The following SPTAN1 variants were observed in gnomAD, a reference collection of about 807,000 sequenced individuals.
SPTAN1 encodes spectrin alpha chain, non-erythrocytic 1.
Under a neutral mutation model 331.3 loss-of-function variants are expected in SPTAN1, and 61 were observed. The observed-to-expected ratio is 0.18, with a 90% CI of 0.15 to 0.23. The LOEUF (loss-of-function observed/expected upper bound fraction) is 0.23, where lower values mean the gene tolerates loss of function less well. Ranked by LOEUF, SPTAN1 falls within the 10% of genes least tolerant of loss-of-function variation. The pLI is 1.00. For synonymous variants in SPTAN1, 1,153 were observed against 1,173.9 expected (o/e 0.98, Z 0.36); for missense variants, 2,043 against 3,147.9 (o/e 0.65, Z 8.40).
At chr9:128,619,901 C>T (rs967876218) in intron 44 of SPTAN1, among the ~76,000 whole-genome samples, 7 of 152,228 alleles carry the variant, frequency 4.6e-5, no homozygotes, top group Non-Finnish European at 7.3e-5. Context: ...AGGTCCTTCA[C>T]GCTCCTGCAT....
At chr9:128,576,336 A>G (rs907552142) in intron 5 of SPTAN1, among the ~76,000 whole-genome samples, 2 of 152,086 alleles carry the variant, frequency 1.3e-5, no homozygotes, top group South Asian at 4.1e-4. Flanking sequence ...ATCACTTGAG[A>G]CCAGCCTGGG....
chr9:128,590,066 TTGAC>T (rs1414282095), intron 21 of SPTAN1, among the ~76,000 whole-genome samples: 1 of 152,192 alleles, frequency 6.6e-6, no homozygotes, highest in Non-Finnish European at 1.5e-5. Flanking sequence ...CATGCACAGA[TTGAC>T]TGATCCTGAA....
chr9:128,586,432 C>G (rs548564853), intron 19 of SPTAN1, among the ~76,000 whole-genome samples: 111 of 152,098 alleles, frequency 7.3e-4, no homozygotes, highest in African/African-American at 2.7e-3. Context: ...CCCTTCTGGC[C>G]CATTTTTCAC....
Position 128,584,324 on chromosome 9 carries a change from G to A in SPTAN1, c.2236G>A (p.Asp746Asn), listed in dbSNP as rs1295634785. Residue 746 changes from aspartate (D) to asparagine (N), a missense_variant, in exon 17 of 57, where the codon GAT becomes AAT. Physicochemically the swap from Asp to Asn is conservative, Grantham distance 23. This residue lies in a region of SPTAN1 where 1,038 missense variants were observed against 1,531.5 expected (regional missense o/e 0.68). Transcript: ENST00000372739. Reference sequence around the variant, plus strand: ...CACCATTCAGGCCCGCCAGTTCCAAGATGCTGGCCATTTTGATGCAGAAAA... The same window carrying A: ...CACCATTCAGGCCCGCCAGTTCCAAAATGCTGGCCATTTTGATGCAGAAAA... ...GITIQARQFQDAGHFDAENIK... is the reference protein window; with the variant it reads ...GITIQARQFQNAGHFDAENIK... 2.5e-6 allele frequency: 4 copies of A among 1,614,210 alleles called. No homozygotes were observed. The highest frequency in any genetic ancestry group is 3.4e-6 in the Non-Finnish European group (4 of 1,180,040).
At chr9:128,612,990 C>A (rs1451115819) in intron 39 of SPTAN1, among the ~76,000 whole-genome samples, 1 of 151,886 alleles carries the variant, frequency 6.6e-6, no homozygotes, top group Non-Finnish European at 1.5e-5. Context: ...CATAATGTAA[C>A]CATTCCCATA....
rs373857333 is a variant in SPTAN1 at position 128,608,222 on chromosome 9, C to T, written c.4437C>T (p.Ser1479=). ...AAGACAAAGGAGACTCACTGGACAG[C>T]GTAGAGGCTCTGATCAAAAAACATG... ...NTEDKGDSLD[S]VEALIKKHED... is the part of the protein sequence containing the mutation. The change falls in exon 34 of 57, where the codon AGC becomes AGT. Residue 1479 remains serine (S), a synonymous_variant. Transcript: ENST00000372739. 17 of 1,613,992 alleles carry T rather than the reference C, an allele frequency of 1.1e-5. No homozygotes were observed. Among genetic ancestry groups the T allele is most frequent in the Middle Eastern group, 1.6e-4 (1 of 6,084 alleles).
rs769356785 is a variant in SPTAN1 at position 128,619,015 on chromosome 9, A to G, written c.5733+12A>G. On this transcript the variant is annotated intron_variant, in intron 44 of 56. Coordinates refer to ENST00000372739, the MANE Select transcript of SPTAN1 (RefSeq NM_001130438.3). Reference sequence around the variant, plus strand: ...TTGCCGCCATCCAGGTGAGACAGAAACCAAAGGTGTCACCTGCTTTCTCTC... The same window carrying G: ...TTGCCGCCATCCAGGTGAGACAGAAGCCAAAGGTGTCACCTGCTTTCTCTC... 14 of 1,613,388 alleles carry G rather than the reference A, an allele frequency of 8.7e-6. No homozygotes were observed. The highest frequency in any genetic ancestry group is 1.2e-5 in the Non-Finnish European group (14 of 1,179,848).
intron 27 of SPTAN1, among the ~76,000 whole-genome samples, chr9:128,602,691 A>G (rs576442406): frequency 6.6e-6 from 1 of 151,822 alleles, no homozygotes; most frequent in Non-Finnish European, 1.5e-5. Context: ...GCTGGAGTGC[A>G]GTGGCGCAAT....
intron 42 of SPTAN1, 104 bp from the exon 43 acceptor site, chr9:128,617,883 C>G: frequency 1.2e-6 from 2 of 1,612,498 alleles, no homozygotes; most frequent in East Asian, 2.2e-5. Context: ...CAGTCCAAAC[C>G]TGGAGAAGTC....
intron 1 of SPTAN1, among the ~76,000 whole-genome samples, chr9:128,562,025 T>C (rs192243990): frequency 7.8e-4 from 118 of 152,238 alleles, no homozygotes; most frequent in African/African-American, 2.7e-3. Flanking sequence ...AGATGAATGA[T>C]AGAGGTGGGT....
intron 22 of SPTAN1, 37 bp from the exon 23 acceptor site, chr9:128,592,946 A>G (rs1190421308): frequency 1.3e-6 from 2 of 1,583,230 alleles, no homozygotes; most frequent in South Asian, 1.1e-5. Context: ...TAACCCCACT[A>G]ATTCGTGCAT....
At position 128,629,055 on chromosome 9, in the gene SPTAN1, G is replaced by T. The variant is rs1255696245; in HGVS notation, c.6707+1113G>T. On this transcript the variant is annotated intron_variant, in intron 51 of 56. Transcript: ENST00000372739. The surrounding 1 kb of genome is among the most constrained non-coding windows in gnomAD (Gnocchi z 4.9). The stretch of plus-strand genomic sequence containing the variant: ...CGCCCTGCCAGCTTGGGCTTTGTGT[G>T]TGTCTGTTGCAGTGTGCTCTTGCCT... The T allele has an allele frequency of 2.3e-5, 9 of 398,318 alleles. No homozygotes were observed. The highest frequency in any genetic ancestry group is 3.1e-5 in the Non-Finnish European group (7 of 226,016). 24.7% of individuals were successfully genotyped at this position (398,318 alleles called of 1,614,324 possible).
intron 1 of SPTAN1, among the ~76,000 whole-genome samples, chr9:128,558,697 AGTCG>A (rs1848941246): frequency 6.6e-6 from 1 of 152,158 alleles, no homozygotes; most frequent in African/African-American, 2.4e-5. Flanking sequence ...TTCTCTGTGA[AGTCG>A]GCCTTATCAG....
At chr9:128,584,047 C>T in intron 16 of SPTAN1, 78 bp downstream of exon 16, 1 of 1,578,552 alleles carries the variant, frequency 6.3e-7, no homozygotes, top group South Asian at 1.1e-5. Flanking sequence ...TAATTTGAGA[C>T]TAAATGAATT....
At chr9:128,591,950 C>T (rs1298891182) in intron 22 of SPTAN1, among the ~76,000 whole-genome samples, 2 of 152,208 alleles carry the variant, frequency 1.3e-5, no homozygotes, top group Non-Finnish European at 2.9e-5. Context: ...GCTCTGTCCA[C>T]TTTGAAAAGC....
In SPTAN1 at chr9:128,628,808, G is replaced by A. The variant is rs188930473; in HGVS notation, c.6707+866G>A. ...TGGGGACGTAGGGATCGCAGTTTCC[G>A]GCCTGTGCCCGTAGGACACCCTGGC... On this transcript the variant is annotated intron_variant, in intron 51 of 56. Coordinates refer to ENST00000372739, the MANE Select transcript of SPTAN1 (RefSeq NM_001130438.3). 76 of 266,774 alleles carry A rather than the reference G, an allele frequency of 2.8e-4. 1 individual carries two copies. Among genetic ancestry groups the A allele is most frequent in the Non-Finnish European group, 4.1e-4 (59 of 142,258 alleles). The allele number at this position is 266,774 out of a possible 1,614,324, so 16.5% of individuals were successfully genotyped here. A position where few individuals can be genotyped will look rare whatever the true frequency, so the allele number is the denominator to read the frequency against.
In SPTAN1 at chr9:128,632,556, C is replaced by T. The variant is rs137913528; in HGVS notation, c.7014-16C>T. On this transcript the variant is annotated splice_polypyrimidine_tract_variant and intron_variant, in intron 54 of 56. Coordinates refer to ENST00000372739, the MANE Select transcript of SPTAN1 (RefSeq NM_001130438.3). The stretch of plus-strand genomic sequence containing the variant: ...GCAGGGCTGCCTGCTGAGCCGCCCT[C>T]GGCTTTGTGCTGCAGACACTTTGAC... The T allele has an allele frequency of 9.3e-5, 150 of 1,614,152 alleles. No homozygotes were observed. The East Asian group carries it at 1.4e-3, about 16-fold the overall frequency.
chr9:128,570,330 ATTTTTTTTTTTT>A lies in SPTAN1; in HGVS notation c.363+1446_363+1457del, dbSNP rs541960678. ...TATATATATATATATATATATATAT[ATTTTTTTTTTTT>A]TTTTTTTTTTTTGAGACGAAGTTTT... On this transcript the variant is annotated intron_variant, in intron 3 of 56. Coordinates refer to ENST00000372739, the MANE Select transcript of SPTAN1 (RefSeq NM_001130438.3). 1.6e-3 allele frequency among the ~76,000 whole-genome samples: 118 copies of A among 71,868 alleles called. 2 individuals are homozygous for A. Among genetic ancestry groups the A allele is most frequent in the Non-Finnish European group, 2.2e-3 (84 of 37,512 alleles). The allele number at this position is 71,868 out of a possible 152,430, so 47.1% of individuals were successfully genotyped here.
In SPTAN1 at chr9:128,625,384, C is replaced by T. The variant is rs569353227; in HGVS notation, c.6069+205C>T. On this transcript the variant is annotated intron_variant, in intron 47 of 56. Coordinates refer to ENST00000372739, the MANE Select transcript of SPTAN1 (RefSeq NM_001130438.3). This position sits in a 1 kb window ranked among gnomAD's most constrained non-coding sequence, Gnocchi z 4.1. ...CATCTCTGCAGCAGCCTGCTGGGTGCTGACGGGACTGGGCACTGCAGGAGC... is the reference window on the plus strand; with the variant it reads ...CATCTCTGCAGCAGCCTGCTGGGTGTTGACGGGACTGGGCACTGCAGGAGC... Among the ~76,000 whole-genome samples the T allele has an allele frequency of 5.9e-5, 9 of 152,302 alleles. No individual in the cohort carries two copies. The South Asian group carries it at 1.9e-3, about 32-fold the overall frequency.
Sources: allele counts gnomAD v4.1 joint callset (sites outside exome capture counted in the v4.1 genomes callset), GRCh38; gene constraint gnomAD v4.1.1; regional missense constraint gnomAD v4.1.1; non-coding constraint Gnocchi (gnomAD v3.1); transcripts MANE v1.5; gene names NCBI Gene and HGNC (gene_info 2026-07-23, HGNC 2026-07-21).